Variants in PARD3 observed in about 807,000 individuals in gnomAD.
PARD3 encodes the protein par-3 family cell polarity regulator, also known as partitioning defective 3 homolog.
Under a neutral mutation model 155.4 loss-of-function variants are expected in PARD3, and 75 were observed. That is an observed-to-expected ratio of 0.48 (90% CI 0.40 to 0.58). PARD3 has a LOEUF of 0.58. Ranked by LOEUF, PARD3 falls within the 20% of genes least tolerant of loss-of-function variation. The probability of loss-of-function intolerance (pLI) is 0.00; values close to 1 mark genes in which losing one functional copy is unlikely to be tolerated. For missense variants in PARD3, 1,642 were observed against 1,721.7 expected (o/e 0.95, Z 0.82); for synonymous variants, 576 against 610.5 (o/e 0.94, Z 0.83).
chr10:34,142,006 GT>G (rs1411681093), intron 22 of PARD3, among the ~76,000 whole-genome samples: 2 of 152,096 alleles, frequency 1.3e-5, no homozygotes, highest in African/African-American at 2.4e-5. Context: ...CAAGGTTTTG[GT>G]TTAAGAAACC....
chr10:34,364,789 CAAAA>C (rs961027325), intron 12 of PARD3, among the ~76,000 whole-genome samples: 59 of 152,086 alleles, frequency 3.9e-4, no homozygotes, highest in African/African-American at 1.1e-3. Flanking sequence ...AAATTAATAA[CAAAA>C]AGATAAGCAG....
intron 2 of PARD3, among the ~76,000 whole-genome samples, chr10:34,583,124 G>A (rs778794026): frequency 6.6e-6 from 1 of 151,974 alleles, no homozygotes; most frequent in Non-Finnish European, 1.5e-5. Context: ...TAAATGTGGT[G>A]GTATATAACC....
intron 14 of PARD3, among the ~76,000 whole-genome samples, chr10:34,350,246 C>A (rs1589263233): frequency 1.3e-5 from 2 of 152,172 alleles, no homozygotes; most frequent in South Asian, 2.1e-4. Flanking sequence ...ACCAGCGGCA[C>A]TGAGGAAGAG....
At chr10:34,429,338 A>C (rs1049383944) in intron 5 of PARD3, among the ~76,000 whole-genome samples, 2 of 152,126 alleles carry the variant, frequency 1.3e-5, no homozygotes, top group Admixed American at 6.6e-5. Flanking sequence ...TTTGAATTTA[A>C]GCAAAACTTA....
intron 3 of PARD3, among the ~76,000 whole-genome samples, chr10:34,504,075 C>G (rs1477043546): frequency 6.6e-6 from 1 of 152,092 alleles, no homozygotes; most frequent in Non-Finnish European, 1.5e-5. Context: ...TTGAGCAAAA[C>G]CATGCTCACT....
intron 2 of PARD3, among the ~76,000 whole-genome samples, chr10:34,528,926 TTA>T (rs2082652760): frequency 6.6e-6 from 1 of 152,134 alleles, no homozygotes; most frequent in South Asian, 2.1e-4. Context: ...GAATGGAGAC[TTA>T]TTTAAAAGGA....
chr10:34,563,135 C>T (rs977183458), intron 2 of PARD3, among the ~76,000 whole-genome samples: 7 of 152,168 alleles, frequency 4.6e-5, no homozygotes, highest in African/African-American at 1.7e-4. Context: ...TAACTCTATA[C>T]TAACCATAAC....
At position 34,360,135 on chromosome 10, in the gene PARD3, T is replaced by G; in HGVS notation, c.1832A>C (p.Lys611Thr). Reference protein sequence around the residue: ...LGVSVKGNRSKENHADLGIFV... With the variant: ...LGVSVKGNRSTENHADLGIFV... ...GATTCCCAAATCTGCGTGGTTCTCT[T>G]TTGACCGGTTACCTTTGACACTGAC... The change falls in exon 13 of 25, where the codon AAA becomes ACA. Residue 611 changes from lysine (K) to threonine (T), a missense_variant. By Grantham distance (78) the Lys-to-Thr change is moderately conservative (BLOSUM62 -1). This residue lies in a region of PARD3 where 1,529 missense variants were observed against 1,587.3 expected (regional missense o/e 0.96). Transcript: ENST00000374788. 1 of 1,614,140 alleles carries G rather than the reference T, an allele frequency of 6.2e-7. No individual in the cohort carries two copies. The highest frequency in any genetic ancestry group is 8.5e-7 in the Non-Finnish European group (1 of 1,179,986).
At chr10:34,208,575 T>C in intron 22 of PARD3, among the ~76,000 whole-genome samples, 1 of 152,180 alleles carries the variant, frequency 6.6e-6, no homozygotes, top group Non-Finnish European at 1.5e-5. Flanking sequence ...TCTTGTGAAA[T>C]CATTTTGCAG....
chr10:34,692,904 C>T (rs550360519), intron 2 of PARD3, among the ~76,000 whole-genome samples: 11 of 152,018 alleles, frequency 7.2e-5, no homozygotes, highest in South Asian at 4.1e-4. Context: ...CAAGAACAGA[C>T]GCTTTTCAAA....
At chr10:34,484,553 A>G (rs1049922882) in intron 3 of PARD3, among the ~76,000 whole-genome samples, 7 of 152,122 alleles carry the variant, frequency 4.6e-5, no homozygotes, top group Middle Eastern at 3.2e-3. Flanking sequence ...TTGTTTTGCC[A>G]AGAGTGCCAT....
chr10:34,234,437 C>T (rs575719537), intron 22 of PARD3, among the ~76,000 whole-genome samples: 2 of 152,308 alleles, frequency 1.3e-5, no homozygotes, highest in East Asian at 3.9e-4. Flanking sequence ...TCTTCCCATA[C>T]CACTCAACAC....
chr10:34,540,282 G>A (rs1356051636), intron 2 of PARD3, among the ~76,000 whole-genome samples: 3 of 151,662 alleles, frequency 2.0e-5, no homozygotes, highest in Non-Finnish European at 4.4e-5. Flanking sequence ...TCTATTCAGG[G>A]AATGAACAAA....
intron 1 of PARD3, among the ~76,000 whole-genome samples, chr10:34,706,450 T>G (rs376453728): frequency 6.6e-6 from 1 of 152,112 alleles, no homozygotes; most frequent in Admixed American, 6.5e-5. Context: ...ATACAGTACA[T>G]AAAGAGAAGA....
intron 20 of PARD3, among the ~76,000 whole-genome samples, chr10:34,316,670 T>C (rs1253224133): frequency 6.6e-6 from 1 of 152,178 alleles, no homozygotes; most frequent in African/African-American, 2.4e-5. Flanking sequence ...TTTGTCTCAA[T>C]GGGGCTTTCA....
At chr10:34,352,329 C>T (rs981798008) in intron 14 of PARD3, among the ~76,000 whole-genome samples, 2 of 152,094 alleles carry the variant, frequency 1.3e-5, no homozygotes, top group African/African-American at 4.8e-5. Flanking sequence ...TGTAAAGTTA[C>T]TCTTTTTTGC....
chr10:34,122,675 T>C (rs1947070799), intron 23 of PARD3, among the ~76,000 whole-genome samples: 1 of 152,192 alleles, frequency 6.6e-6, no homozygotes, highest in Non-Finnish European at 1.5e-5. Context: ...GGTCACATAT[T>C]TCAAGGAAGA....
intron 2 of PARD3, among the ~76,000 whole-genome samples, chr10:34,587,346 C>T (rs1187515278): frequency 2.0e-5 from 3 of 152,106 alleles, no homozygotes; most frequent in Non-Finnish European, 4.4e-5. Context: ...TGGTCTCAAA[C>T]TCCTTGGCCT....
chr10:34,384,437 G>A (rs1195811228), intron 7 of PARD3, among the ~76,000 whole-genome samples, 183 bp from the exon 8 acceptor site: 1 of 152,176 alleles, frequency 6.6e-6, no homozygotes, highest in Non-Finnish European at 1.5e-5. Context: ...ATGTAAAAAT[G>A]CATCCCTTCC....
Sources: allele counts gnomAD v4.1 joint callset (sites outside exome capture counted in the v4.1 genomes callset), GRCh38; gene constraint gnomAD v4.1.1; regional missense constraint gnomAD v4.1.1; transcripts MANE v1.5; gene names NCBI Gene and HGNC (gene_info 2026-07-23, HGNC 2026-07-21).